COL24A1: variants seen among roughly 807,000 people sequenced by gnomAD.
The protein encoded by COL24A1 is collagen type XXIV alpha 1 chain.
Under a neutral mutation model 253.9 loss-of-function variants are expected in COL24A1, and 224 were observed. That is an observed-to-expected ratio of 0.88 (90% CI 0.79 to 0.99). The LOEUF is 0.99. Ranked by LOEUF, COL24A1 falls within the 50% of genes least tolerant of loss-of-function variation. COL24A1 has a pLI of 0.00. For synonymous variants in COL24A1, 685 were observed against 673.7 expected, an observed-to-expected ratio of 1.02 and a Z score of -0.26; for missense variants, 2,131 against 2,068.5, an observed-to-expected ratio of 1.03 and a Z score of -0.59.
intron 43 of COL24A1, among the ~76,000 whole-genome samples, chr1:85,828,591 G>A (rs1356758253): frequency 4.0e-5 from 6 of 150,688 alleles, no homozygotes; most frequent in Non-Finnish European, 7.4e-5. Flanking sequence ...GACTTGCTTT[G>A]TGAATCTGGG....
chr1:86,030,217 A>G (rs986623646), intron 14 of COL24A1: 4 of 152,220 alleles, frequency 2.6e-5, no homozygotes, highest in Non-Finnish European at 5.9e-5. Flanking sequence ...CCTTCAAGCC[A>G]TGGAAGAAAA....
At chr1:85,888,549 T>A (rs951405100) in intron 32 of COL24A1, among the ~76,000 whole-genome samples, 1 of 152,042 alleles carries the variant, frequency 6.6e-6, no homozygotes, top group African/African-American at 2.4e-5. Flanking sequence ...AAGTAAATAA[T>A]GCTAAAGAGA....
intron 19 of COL24A1, among the ~76,000 whole-genome samples, chr1:86,007,312 A>G (rs1696067686): frequency 6.6e-6 from 1 of 152,222 alleles, no homozygotes; most frequent in South Asian, 2.1e-4. Flanking sequence ...AAAATCCAGA[A>G]CACTGACACC....
At chr1:85,957,634 T>G (rs1690600433) in intron 24 of COL24A1, among the ~76,000 whole-genome samples, 1 of 152,224 alleles carries the variant, frequency 6.6e-6, no homozygotes. Flanking sequence ...CTCAAATATC[T>G]TCCAAATATA....
At chr1:85,785,013 G>A (rs1669533460) in intron 48 of COL24A1, among the ~76,000 whole-genome samples, 1 of 152,108 alleles carries the variant, frequency 6.6e-6, no homozygotes, top group South Asian at 2.1e-4. Context: ...TTACAAGTGT[G>A]AGCCACTGTG....
chr1:85,986,530 G>A (rs1198772679), intron 20 of COL24A1, among the ~76,000 whole-genome samples: 1 of 151,800 alleles, frequency 6.6e-6, no homozygotes, highest in Non-Finnish European at 1.5e-5. Context: ...AAGGGTATTA[G>A]AGCTCAGACT....
Position 85,746,613 on chromosome 1 carries a change from A to G in COL24A1, c.4438-1107T>C, listed in dbSNP as rs558317842. Among the ~76,000 whole-genome samples the G allele has an allele frequency of 5.0e-4, 76 of 152,306 alleles. 2 individuals are homozygous for G. In the South Asian group the frequency reaches 0.015, roughly 30 times the overall value. ...TAGAGAAATTAATCAAATCTGGAAA[A>G]TGTAAGAGGTTGGAAGGAATAGGTC... is the stretch of plus-strand genomic sequence containing the variant. On this transcript the variant is annotated intron_variant, in intron 55 of 59. Transcript: ENST00000370571.
chr1:85,934,636 C>A (rs1451921368), intron 24 of COL24A1, among the ~76,000 whole-genome samples: 4 of 152,132 alleles, frequency 2.6e-5, no homozygotes, highest in South Asian at 2.1e-4. Context: ...AGATGAACTA[C>A]TATAGAATAG....
intron 53 of COL24A1, among the ~76,000 whole-genome samples, chr1:85,764,657 T>C (rs1667183266): frequency 6.6e-6 from 1 of 152,146 alleles, no homozygotes; most frequent in African/African-American, 2.4e-5. Context: ...TGCTGCACAT[T>C]TGGACCTCAG....
In COL24A1 at chr1:85,926,108, A is replaced by G. The variant is rs566502546; in HGVS notation, c.2563-14675T>C. On this transcript the variant is annotated intron_variant, in intron 24 of 59. Coordinates refer to ENST00000370571, the MANE Select transcript of COL24A1 (RefSeq NM_152890.7). ...ATCACTGGCCATCAGAGAAATGCAA[A>G]TCAAAACCACAATGAGATACCAGCT... Among the ~76,000 whole-genome samples the G allele has an allele frequency of 1.5e-3, 221 of 152,372 alleles. 1 individual carries two copies. The Middle Eastern group carries it at 0.017, about 12-fold the overall frequency.
chr1:85,834,064 T>C (rs1675702851), intron 43 of COL24A1, among the ~76,000 whole-genome samples: 2 of 151,678 alleles, frequency 1.3e-5, no homozygotes, highest in Non-Finnish European at 2.9e-5. Context: ...CATGTATACA[T>C]ATGTAACAAA....
intron 20 of COL24A1, among the ~76,000 whole-genome samples, chr1:85,972,012 C>G (rs916167346): frequency 1.3e-5 from 2 of 152,126 alleles, no homozygotes; most frequent in Non-Finnish European, 2.9e-5. Context: ...CGATTGCTCT[C>G]TGAATGAAAA....
At chr1:85,871,536 T>A (rs1680490448) in intron 35 of COL24A1, among the ~76,000 whole-genome samples, 1 of 152,082 alleles carries the variant, frequency 6.6e-6, no homozygotes, top group Admixed American at 6.6e-5. Flanking sequence ...GCAAGGCTGG[T>A]TCAACATATG....
chr1:85,824,311 C>T (rs1295931221), intron 43 of COL24A1, among the ~76,000 whole-genome samples: 4 of 152,106 alleles, frequency 2.6e-5, no homozygotes, highest in African/African-American at 9.7e-5. Context: ...CCCTGTTGAT[C>T]CCTTGATTTT....
intron 1 of COL24A1, among the ~76,000 whole-genome samples, chr1:86,149,438 T>A (rs1199180915): frequency 6.6e-6 from 1 of 152,188 alleles, no homozygotes; most frequent in African/African-American, 2.4e-5. Context: ...TTTCAACATA[T>A]AACTGGCAGG....
chr1:86,149,705 C>T (rs1230476240), intron 1 of COL24A1, among the ~76,000 whole-genome samples: 1 of 152,142 alleles, frequency 6.6e-6, no homozygotes, highest in Non-Finnish European at 1.5e-5. Context: ...TCCCCAATGA[C>T]CTCAGTGGAG....
At chr1:85,948,502 C>T (rs1297832231) in intron 24 of COL24A1, among the ~76,000 whole-genome samples, 4 of 115,008 alleles carry the variant, frequency 3.5e-5, no homozygotes, top group Non-Finnish European at 6.5e-5. Context: ...CCAGCCTGGG[C>T]GACAGAGCGA....
chr1:85,757,698 C>A (rs1666411451), intron 55 of COL24A1, among the ~76,000 whole-genome samples: 1 of 152,136 alleles, frequency 6.6e-6, no homozygotes, highest in Non-Finnish European at 1.5e-5. Flanking sequence ...TCATGACTGG[C>A]ACATAGCAGT....
intron 24 of COL24A1, among the ~76,000 whole-genome samples, chr1:85,944,018 TC>T (rs1182816186): frequency 6.6e-6 from 1 of 152,244 alleles, no homozygotes; most frequent in Non-Finnish European, 1.5e-5. Flanking sequence ...CATTGAACTT[TC>T]CCAGTAAATG....
Sources: allele counts gnomAD v4.1 joint callset (sites outside exome capture counted in the v4.1 genomes callset), GRCh38; gene constraint gnomAD v4.1.1; transcripts MANE v1.5; gene names NCBI Gene and HGNC (gene_info 2026-07-23, HGNC 2026-07-21).